Variants in PALLD observed in about 807,000 individuals in gnomAD.
PALLD encodes palladin, cytoskeletal associated protein, also known as palladin.
PALLD carries 61 observed loss-of-function variants against 123.5 expected under a neutral mutation model. The observed-to-expected ratio is 0.49, with a 90% CI of 0.40 to 0.61. The LOEUF (loss-of-function observed/expected upper bound fraction) is 0.61, where lower values mean the gene tolerates loss of function less well. PALLD is among the 20% of genes least tolerant of loss of function. The probability of loss-of-function intolerance (pLI) is 0.00; values close to 1 mark genes in which losing one functional copy is unlikely to be tolerated. For missense variants in PALLD, 1,273 were observed against 1,377.0 expected (o/e 0.92, Z 1.20); for synonymous variants, 465 against 496.4 (o/e 0.94, Z 0.84).
chr4:168,735,578 A>G (rs1787666824), intron 10 of PALLD, among the ~76,000 whole-genome samples: 1 of 152,024 alleles, frequency 6.6e-6, no homozygotes, highest in Non-Finnish European at 1.5e-5. Context: ...GATGGCAAAA[A>G]CCCATTCATA....
At chr4:168,789,702 C>CA (rs58941945) in intron 10 of PALLD, among the ~76,000 whole-genome samples, 19,201 of 82,990 alleles carry the variant, frequency 0.23, 1,526 homozygotes, top group Middle Eastern at 0.34. Flanking sequence ...GACTCCGTCT[C>CA]AAAAAAAAAA....
intron 10 of PALLD, among the ~76,000 whole-genome samples, chr4:168,741,265 G>A (rs1464671140): frequency 2.0e-5 from 3 of 152,118 alleles, no homozygotes; most frequent in Admixed American, 6.6e-5. Context: ...TGTCTTCATC[G>A]CTATAATATG....
chr4:168,821,673 C>T (rs978853265), intron 10 of PALLD, among the ~76,000 whole-genome samples: 10 of 151,708 alleles, frequency 6.6e-5, no homozygotes, highest in African/African-American at 2.2e-4. Context: ...GTCAGGAGTT[C>T]GAGACCAGCC....
intron 10 of PALLD, among the ~76,000 whole-genome samples, chr4:168,765,915 T>C (rs1733601161): frequency 6.6e-6 from 1 of 152,242 alleles, no homozygotes; most frequent in Admixed American, 6.5e-5. Flanking sequence ...GGTGTGTCTT[T>C]CTTGGCATAG....
At chr4:168,834,959 A>G (rs1489858498) in intron 10 of PALLD, among the ~76,000 whole-genome samples, 1 of 152,230 alleles carries the variant, frequency 6.6e-6, no homozygotes, top group Non-Finnish European at 1.5e-5. Flanking sequence ...CCTGAAACAT[A>G]TAAAGCATTT....
intron 6 of PALLD, 105 bp from the exon 7 acceptor site, chr4:168,690,498 G>GT (rs1264734980): frequency 1.4e-6 from 2 of 1,381,126 alleles, no homozygotes; most frequent in African/African-American, 2.9e-5. Context: ...TTTTGTGTTT[G>GT]TATCTGTTTT....
chr4:168,824,909 C>T (rs1743217303), intron 10 of PALLD, among the ~76,000 whole-genome samples: 1 of 149,948 alleles, frequency 6.7e-6, no homozygotes. Context: ...GCAACCTCCA[C>T]CTCCCAGGCT....
At position 168,773,142 on chromosome 4, in the gene PALLD, T is replaced by A. The variant is rs76285103; in HGVS notation, c.1964+61219T>A. 7.7e-3 allele frequency among the ~76,000 whole-genome samples: 1,173 copies of A among 152,348 alleles called. 5 individuals carry two copies. Among genetic ancestry groups the A allele is most frequent in the Middle Eastern group, 0.024 (7 of 294 alleles). On this transcript the variant is annotated intron_variant, in intron 10 of 21. Transcript: ENST00000505667. ...CAAGTAAAATTAGTATTTTTTGGAC[T>A]CCAGGTACCTGTTTGAAATTATATT...
At chr4:168,534,605 A>G (rs745314552) in intron 2 of PALLD, among the ~76,000 whole-genome samples, 2 of 152,174 alleles carry the variant, frequency 1.3e-5, no homozygotes, top group Non-Finnish European at 2.9e-5. Context: ...TTCCTTCATC[A>G]TTTTTGGCTT....
At chr4:168,816,412 TA>T (rs201921228) in intron 10 of PALLD, among the ~76,000 whole-genome samples, 5,445 of 117,722 alleles carry the variant, frequency 0.046, 326 homozygotes, top group African/African-American at 0.17. Context: ...TATATATATA[TA>T]TTTTTTTTAA....
chr4:168,812,266 G>A (rs997964666), intron 10 of PALLD, among the ~76,000 whole-genome samples: 7 of 152,142 alleles, frequency 4.6e-5, no homozygotes, highest in African/African-American at 1.4e-4. Flanking sequence ...GTCCAAGCTT[G>A]GCCTCCTTAG....
At position 168,841,052 on chromosome 4, in the gene PALLD, T is replaced by A. The variant is rs560566711; in HGVS notation, c.1965-49870T>A. Among the ~76,000 whole-genome samples the A allele has an allele frequency of 4.2e-4, 64 of 152,234 alleles. No homozygotes were observed. The South Asian group carries it at 0.013, about 32-fold the overall frequency. ...TTTTAGTAGAGATGGAGTTTTACCA[T>A]GTTGGTCAGGCTGGTCTCAAACTCC... On this transcript the variant is annotated intron_variant, in intron 10 of 21. Coordinates refer to ENST00000505667, the MANE Select transcript of PALLD (RefSeq NM_001166108.2).
Position 168,926,585 on chromosome 4 carries a change from C to G in PALLD, c.*405C>G, listed in dbSNP as rs931007202. Reference sequence around the variant, plus strand: ...TGCTAATACAAATATACACATTGCACAGAAAATACACATTTACTGTCCAAT... The same window carrying G: ...TGCTAATACAAATATACACATTGCAGAGAAAATACACATTTACTGTCCAAT... On this transcript the variant is annotated 3_prime_UTR_variant, in exon 22 of 22. Coordinates refer to ENST00000505667, the MANE Select transcript of PALLD (RefSeq NM_001166108.2). The G allele has an allele frequency of 2.1e-6, 1 of 485,570 alleles. No individual in the cohort carries two copies. Among genetic ancestry groups the G allele is most frequent in the South Asian group, 3.5e-5 (1 of 28,212 alleles). 30.1% of individuals were successfully genotyped at this position (485,570 alleles called of 1,614,324 possible).
chr4:168,595,945 G>GAAA (rs530008801), intron 2 of PALLD, among the ~76,000 whole-genome samples: 2 of 114,434 alleles, frequency 1.7e-5, no homozygotes, highest in African/African-American at 6.2e-5. Context: ...AATTGAAAAG[G>GAAA]AAAAAAAAAA....
intron 2 of PALLD, among the ~76,000 whole-genome samples, chr4:168,529,339 G>GAA (rs1209143641): frequency 5.0e-5 from 7 of 139,586 alleles, no homozygotes; most frequent in Admixed American, 2.2e-4. Context: ...TCTGTCTCGA[G>GAA]AAAAAAAAAA....
chr4:168,907,864 C>T (rs1360630059), intron 15 of PALLD, among the ~76,000 whole-genome samples: 1 of 152,088 alleles, frequency 6.6e-6, no homozygotes, highest in Non-Finnish European at 1.5e-5. Context: ...TCAAAGAACC[C>T]AGAGCATCAC....
At chr4:168,768,102 C>T (rs1239458615) in intron 10 of PALLD, among the ~76,000 whole-genome samples, 1 of 152,170 alleles carries the variant, frequency 6.6e-6, no homozygotes, top group Non-Finnish European at 1.5e-5. Context: ...GTGAAGTTTA[C>T]CCGACTTCCT....
rs567021805 is a variant in PALLD, at chr4:168,841,084, C to T, written c.1965-49838C>T. On this transcript the variant is annotated intron_variant, in intron 10 of 21. Transcript: ENST00000505667. ...CAGGCTGGTCTCAAACTCCTGACCT[C>T]GTGATCCTCCTGCCTCGGTCTCCCA... Among the ~76,000 whole-genome samples, 3 of 152,232 alleles carry T rather than the reference C, an allele frequency of 2.0e-5. No individual in the cohort carries two copies. In the South Asian group the frequency reaches 6.2e-4, roughly 32 times the overall value.
chr4:168,896,336 G>A (rs944844017), intron 12 of PALLD, among the ~76,000 whole-genome samples: 3 of 151,904 alleles, frequency 2.0e-5, no homozygotes, highest in Non-Finnish European at 4.4e-5. Flanking sequence ...CTAACACAAA[G>A]CCTATTTAAA....
Sources: gnomAD v4.1 joint callset for allele counts (sites outside exome capture counted in the v4.1 genomes callset) on GRCh38, gnomAD v4.1.1 for gene constraint, MANE v1.5 for transcripts, NCBI Gene and HGNC (gene_info 2026-07-23, HGNC 2026-07-21) for gene names.